RYK: variants seen among roughly 807,000 people sequenced by gnomAD.
The protein encoded by RYK is inactive tyrosine-protein kinase RYK.
In RYK, 21 loss-of-function variants were observed where a neutral mutation model predicts 70.2. The observed-to-expected ratio is 0.30, with a 90% CI of 0.21 to 0.43. The LOEUF is 0.43. Among genes scored for constraint, RYK ranks in the 20% least tolerant of loss-of-function variants. The pLI is 1.00. For missense variants in RYK, 604 were observed against 753.3 expected (o/e 0.80, Z 2.32); for synonymous variants, 267 against 278.0 (o/e 0.96, Z 0.39).
intron 9 of RYK, 64 bp from the exon 10 acceptor site, chr3:134,183,135 T>C (rs1181777805): frequency 2.2e-6 from 2 of 906,842 alleles, no homozygotes; most frequent in Non-Finnish European, 3.3e-6. Context: ...TAACATTTTC[T>C]GCTATTAGTA....
intron 1 of RYK, among the ~76,000 whole-genome samples, chr3:134,239,457 G>A (rs919244448): frequency 4.0e-5 from 6 of 151,852 alleles, no homozygotes; most frequent in African/African-American, 1.5e-4. Context: ...GAGAGACCCT[G>A]TCTCAAAAAG....
At chr3:134,182,920 C>A in intron 10 of RYK, 82 bp downstream of exon 10, 3 of 783,924 alleles carry the variant, frequency 3.8e-6, no homozygotes, top group South Asian at 5.5e-5. Context: ...ATTCAGAAGT[C>A]ATCACAATGT....
At chr3:134,204,629 G>T in intron 5 of RYK, among the ~76,000 whole-genome samples, 3 of 59,202 alleles carry the variant, frequency 5.1e-5, no homozygotes, top group South Asian at 1.4e-3. Context: ...ACACACACAC[G>T]CAGAAGCAAA....
intron 7 of RYK, among the ~76,000 whole-genome samples, chr3:134,193,173 T>C (rs914475811): frequency 5.3e-5 from 8 of 152,018 alleles, no homozygotes; most frequent in Admixed American, 2.6e-4. Context: ...GATAAATAAA[T>C]TTATTTCCCT....
Position 134,191,935 on chromosome 3 carries a change from C to G in RYK, c.929G>C (p.Ser310Thr), listed in dbSNP as rs1036775428. Reference protein sequence around the residue: ...TLRIEKNDLRSVTLLEAKGKV... With the variant: ...TLRIEKNDLRTVTLLEAKGKV... ...GCCTTTGGCCTCCAAAAGAGTGACA[C>G]TTCTCAAGTCGTTCTTCTCTATCCG... is the stretch of plus-strand genomic sequence containing the variant. The change falls in exon 8 of 15, where the codon AGT becomes ACT. Residue 310 changes from serine (S) to threonine (T), a missense_variant. Ser to Thr is a moderately conservative substitution (Grantham distance 58, BLOSUM62 1). Around this residue, in one of 2 missense-constraint regions of RYK, gnomAD observed 466 missense variants for 535.9 expected, o/e 0.87. Transcript: ENST00000623711. The G allele has an allele frequency of 6.2e-7, 1 of 1,613,336 alleles. No individual in the cohort carries two copies. The highest frequency in any genetic ancestry group is 8.5e-7 in the Non-Finnish European group (1 of 1,179,648).
chr3:134,246,343 C>CACACAG (rs1553713139), intron 1 of RYK, among the ~76,000 whole-genome samples: 139 of 105,794 alleles, frequency 1.3e-3, no homozygotes, highest in East Asian at 9.2e-3. Context: ...CACACACACA[C>CACACAG]AGAGAGAGAG....
chr3:134,192,868 A>G (rs1447336402), intron 7 of RYK, among the ~76,000 whole-genome samples: 1 of 152,164 alleles, frequency 6.6e-6, no homozygotes, highest in Non-Finnish European at 1.5e-5. Flanking sequence ...TGACTGTGAT[A>G]GACTGTCTAG....
At chr3:134,164,338 A>ATT (rs2012583856) in intron 13 of RYK, among the ~76,000 whole-genome samples, 1 of 152,310 alleles carries the variant, frequency 6.6e-6, no homozygotes, top group Admixed American at 6.5e-5. Context: ...CACTCCTGAA[A>ATT]CCACTGCCAC....
chr3:134,242,710 T>A (rs2107697121), intron 1 of RYK, among the ~76,000 whole-genome samples: 1 of 152,324 alleles, frequency 6.6e-6, no homozygotes, highest in Non-Finnish European at 1.5e-5. Context: ...AATACTCACA[T>A]GTTTGATTTG....
intron 2 of RYK, 90 bp from the exon 3 acceptor site, chr3:134,211,697 T>C (rs946875111): frequency 1.3e-6 from 1 of 786,324 alleles, no homozygotes; most frequent in Non-Finnish European, 2.2e-6. Context: ...CATTAATCAA[T>C]GGATGAGCCT....
At chr3:134,163,186 T>C (rs952569163) in intron 13 of RYK, among the ~76,000 whole-genome samples, 4 of 152,204 alleles carry the variant, frequency 2.6e-5, no homozygotes, top group South Asian at 2.1e-4. Context: ...AAGGGAACAA[T>C]GCAGTTTCAT....
In RYK at chr3:134,177,986, T is replaced by C. The variant is rs2108153413; in HGVS notation, c.1260A>G (p.Lys420=). 6.2e-7 allele frequency: 1 copy of C among 1,613,216 alleles called. No homozygotes were observed. The highest frequency in any genetic ancestry group is 1.7e-4 in the Middle Eastern group (1 of 6,058). ...ILPYMNWGNL[K]LFLRQCKLVE... is the part of the protein sequence containing the mutation. The stretch of plus-strand genomic sequence containing the variant: ...CTAACTTGCACTGTCGTAAAAACAA[T>C]TTAAGATTCCCCCAATTCATGTAAG... The change falls in exon 11 of 15, where the codon AAA becomes AAG. Residue 420 remains lysine (K), a synonymous_variant. Transcript: ENST00000623711.
intron 2 of RYK, among the ~76,000 whole-genome samples, chr3:134,218,948 T>C (rs2107683577): frequency 6.6e-6 from 1 of 152,278 alleles, no homozygotes; most frequent in East Asian, 1.9e-4. Flanking sequence ...GGATCCCTTC[T>C]ACATTTCTGG....
rs138538533 is a variant in RYK, at chr3:134,229,643, G to T, written c.233-7104C>A. ...AAAACAGTCACATCTATCTAAGAAA[G>T]AACTTAGCTGGGGGAAGGGAGAGAT... On this transcript the variant is annotated intron_variant, in intron 1 of 14. Transcript: ENST00000623711. Among the ~76,000 whole-genome samples, 328 of 151,642 alleles carry T rather than the reference G, an allele frequency of 2.2e-3. 2 individuals are homozygous for T. Among genetic ancestry groups the T allele is most frequent in the African/African-American group, 7.7e-3 (319 of 41,328 alleles).
chr3:134,203,885 C>T (rs1381611165), intron 5 of RYK, among the ~76,000 whole-genome samples: 2 of 152,166 alleles, frequency 1.3e-5, no homozygotes, highest in African/African-American at 4.8e-5. Context: ...GTTAGTAAAA[C>T]TGAGGAACTG....
At chr3:134,224,111 A>C (rs4234422) in intron 1 of RYK, among the ~76,000 whole-genome samples, 112,360 of 152,046 alleles carry the variant, frequency 0.74, 42,098 homozygotes, top group East Asian at 0.99. Context: ...AATAAAGACA[A>C]AAGACAAAGA....
chr3:134,215,123 T>C (rs2014514006), intron 2 of RYK, among the ~76,000 whole-genome samples: 1 of 152,176 alleles, frequency 6.6e-6, no homozygotes, highest in South Asian at 2.1e-4. Flanking sequence ...TCTCCTTTAT[T>C]CTAGGTCTCA....
rs1254439804 is a variant in RYK, at chr3:134,234,093, A to G, written c.233-11554T>C. Among the ~76,000 whole-genome samples the G allele has an allele frequency of 1.3e-5, 2 of 152,118 alleles. 1 individual carries two copies. The highest frequency in any genetic ancestry group is 2.9e-5 in the Non-Finnish European group (2 of 67,970). ...ATGCTTTTATTCTTTTTCTTCTCTT[A>G]AATTTTCTATGAAAGTTAAGCTGGA... On this transcript the variant is annotated intron_variant, in intron 1 of 14. Coordinates refer to ENST00000623711, the MANE Select transcript of RYK (RefSeq NM_002958.4).
chr3:134,250,809 G>T lies in RYK; in HGVS notation c.-155C>A. The stretch of plus-strand genomic sequence containing the variant: ...AGCCAGCAGTGGCTTCAGACCTCCG[G>T]AGCGCGCCGCCGCCGCCGCCTCCTC... On this transcript the variant is annotated 5_prime_UTR_variant, in exon 1 of 15. Coordinates refer to ENST00000623711, the MANE Select transcript of RYK (RefSeq NM_002958.4). 1.6e-5 allele frequency: 2 copies of T among 125,978 alleles called. No homozygotes were observed. Among genetic ancestry groups the T allele is most frequent in the South Asian group, 7.7e-4 (2 of 2,612 alleles). 7.8% of individuals were successfully genotyped at this position (125,978 alleles called of 1,614,324 possible).
Sources: gnomAD v4.1 joint callset for allele counts (sites outside exome capture counted in the v4.1 genomes callset) on GRCh38, gnomAD v4.1.1 for gene constraint, gnomAD v4.1.1 regional missense constraint, MANE v1.5 for transcripts, NCBI Gene and HGNC (gene_info 2026-07-23, HGNC 2026-07-21) for gene names.